The following ADGRG7 variants were observed in gnomAD, a reference collection of about 807,000 sequenced individuals.
The protein encoded by ADGRG7 is adhesion G protein-coupled receptor G7.
Under a neutral mutation model 88.6 loss-of-function variants are expected in ADGRG7, and 82 were observed. The observed-to-expected ratio is 0.93, with a 90% CI of 0.77 to 1.11. The LOEUF is 1.11. ADGRG7 is among the 50% of genes most tolerant of loss of function. The pLI, the probability that ADGRG7 is intolerant of heterozygous loss-of-function variation, is 0.00. For synonymous variants in ADGRG7, 381 were observed against 345.2 expected (o/e 1.10, Z -1.15); for missense variants, 945 against 953.4 (o/e 0.99, Z 0.12).
intron 1 of ADGRG7, among the ~76,000 whole-genome samples, chr3:100,617,460 A>G (rs1707241716): frequency 6.7e-6 from 1 of 148,394 alleles, no homozygotes; most frequent in Non-Finnish European, 1.5e-5. Context: ...ATGAGTGAGA[A>G]CATGCGGTGC....
chr3:100,625,617 GAA>G (rs139174227), intron 1 of ADGRG7, among the ~76,000 whole-genome samples: 39,758 of 151,900 alleles, frequency 0.26, 5,864 homozygotes, highest in Non-Finnish European at 0.34. Context: ...GTTTTCAAAG[GAA>G]ATGCTGCCCA....
chr3:100,613,136 C>A (rs555785553), intron 1 of ADGRG7, among the ~76,000 whole-genome samples: 1 of 152,124 alleles, frequency 6.6e-6, no homozygotes, highest in Admixed American at 6.5e-5. Flanking sequence ...GTGATCTGCC[C>A]GCCTCGGCCT....
chr3:100,647,398 T>A (rs1707772939), intron 10 of ADGRG7, among the ~76,000 whole-genome samples: 1 of 152,198 alleles, frequency 6.6e-6, no homozygotes, highest in South Asian at 2.1e-4. Context: ...AGGTTCAATA[T>A]TTACTTAGCT....
intron 15 of ADGRG7, among the ~76,000 whole-genome samples, chr3:100,679,636 A>C (rs954176780): frequency 2.6e-5 from 4 of 152,238 alleles, no homozygotes; most frequent in African/African-American, 9.6e-5. Context: ...TGACTTACCT[A>C]CTATGTACTT....
chr3:100,663,574 C>A (rs1219485438), intron 14 of ADGRG7, among the ~76,000 whole-genome samples: 1 of 151,908 alleles, frequency 6.6e-6, no homozygotes, highest in East Asian at 1.9e-4. Flanking sequence ...ATTAGTGAAG[C>A]CAAGGTTGAG....
At chr3:100,693,223 A>C (rs1483389602) in intron 15 of ADGRG7, among the ~76,000 whole-genome samples, 1 of 152,178 alleles carries the variant, frequency 6.6e-6, no homozygotes, top group Non-Finnish European at 1.5e-5. Context: ...ATCAAATCTT[A>C]GTTTACTTTA....
chr3:100,681,074 T>A (rs963124008), intron 15 of ADGRG7, among the ~76,000 whole-genome samples: 3 of 152,160 alleles, frequency 2.0e-5, no homozygotes, highest in African/African-American at 7.2e-5. Context: ...AAGTTATATA[T>A]TTTTCCTTTG....
In ADGRG7 at chr3:100,646,737, A is replaced by G; in HGVS notation, c.1266+13A>G. Reference sequence around the variant, plus strand: ...TGCTGTATTAATGGTAAGGATATACATAGCAATCTCTTTCCAGATGAGAAT... The same window carrying G: ...TGCTGTATTAATGGTAAGGATATACGTAGCAATCTCTTTCCAGATGAGAAT... On this transcript the variant is annotated intron_variant, in intron 10 of 15. Coordinates refer to ENST00000273352, the MANE Select transcript of ADGRG7 (RefSeq NM_032787.3). 1.2e-6 allele frequency: 2 copies of G among 1,603,452 alleles called. No individual in the cohort carries two copies. The highest frequency in any genetic ancestry group is 8.5e-7 in the Non-Finnish European group (1 of 1,172,744).
intron 4 of ADGRG7, among the ~76,000 whole-genome samples, chr3:100,635,048 C>T (rs1274994916): frequency 4.6e-5 from 7 of 151,888 alleles, no homozygotes; most frequent in South Asian, 2.1e-4. Flanking sequence ...CACGTGCGCG[C>T]GCATGGACAC....
chr3:100,665,192 C>A (rs1205221890), intron 14 of ADGRG7: 2 of 539,750 alleles, frequency 3.7e-6, no homozygotes, highest in Admixed American at 3.9e-5. Context: ...TTCAGGCTTA[C>A]ATCCAACAGG....
intron 15 of ADGRG7, among the ~76,000 whole-genome samples, chr3:100,671,116 G>A (rs2094957879): frequency 6.6e-6 from 1 of 152,174 alleles, no homozygotes; most frequent in South Asian, 2.1e-4. Flanking sequence ...AGATCCTGAG[G>A]AATCGCCACA....
Position 100,633,364 on chromosome 3 carries a change from C to A in ADGRG7, c.434C>A (p.Thr145Asn). 6.3e-7 allele frequency: 1 copy of A among 1,580,810 alleles called. No individual in the cohort carries two copies. Among genetic ancestry groups the A allele is most frequent in the Non-Finnish European group, 8.6e-7 (1 of 1,161,882 alleles). Residue 145 changes from threonine to asparagine, a missense_variant, in exon 4 of 16, where the codon ACC becomes AAC. Physicochemically the swap from Thr to Asn is moderately conservative, Grantham distance 65 (BLOSUM62 0). Coordinates refer to ENST00000273352, the MANE Select transcript of ADGRG7 (RefSeq NM_032787.3). ...TIGNCNENLE[T>N]LEKQVKDVTA... ...GGAAATTGCAATGAAAATCTGGAAACCCTGGAAAAGCAGGTATGCCATATG... is the reference window on the plus strand; with the variant it reads ...GGAAATTGCAATGAAAATCTGGAAAACCTGGAAAAGCAGGTATGCCATATG...
chr3:100,693,625 G>A (rs554970139), intron 15 of ADGRG7, among the ~76,000 whole-genome samples: 14 of 152,238 alleles, frequency 9.2e-5, no homozygotes, highest in African/African-American at 3.1e-4. Context: ...CCCTATAGAT[G>A]CTAATGTGGG....
intron 15 of ADGRG7, among the ~76,000 whole-genome samples, chr3:100,688,863 G>A (rs1317811577): frequency 3.9e-5 from 6 of 152,164 alleles, no homozygotes; most frequent in African/African-American, 1.2e-4. Flanking sequence ...GTTGATTTGG[G>A]GTGGAGAGTT....
chr3:100,627,301 C>T (rs936094743), intron 1 of ADGRG7, among the ~76,000 whole-genome samples: 4 of 152,122 alleles, frequency 2.6e-5, no homozygotes, highest in Non-Finnish European at 4.4e-5. Context: ...TTGTCTCCTG[C>T]ATTTATTGAG....
At chr3:100,675,437 A>G (rs2149037654) in intron 15 of ADGRG7, among the ~76,000 whole-genome samples, 1 of 152,310 alleles carries the variant, frequency 6.6e-6, no homozygotes, top group Admixed American at 6.5e-5. Flanking sequence ...CATTTCTGGG[A>G]TAAATTCTAC....
At chr3:100,681,102 G>A (rs1193097027) in intron 15 of ADGRG7, among the ~76,000 whole-genome samples, 3 of 151,822 alleles carry the variant, frequency 2.0e-5, no homozygotes, top group Non-Finnish European at 2.9e-5. Flanking sequence ...TTCTACAAAG[G>A]TAAAAATTTG....
At chr3:100,649,493 C>T (rs2094925547) in intron 10 of ADGRG7, among the ~76,000 whole-genome samples, 1 of 152,096 alleles carries the variant, frequency 6.6e-6, no homozygotes. Context: ...GATAATTATT[C>T]TCAAGCCTGT....
chr3:100,637,637 C>A lies in ADGRG7; in HGVS notation c.698+235C>A, dbSNP rs1047220508. The A allele has an allele frequency of 8.7e-6, 4 of 459,706 alleles. No homozygotes were observed. In the Admixed American group the frequency reaches 1.5e-4, roughly 17 times the overall value. The allele number at this position is 459,706 out of a possible 1,614,324, so 28.5% of individuals were successfully genotyped here. A position where few individuals can be genotyped will look rare whatever the true frequency, so the allele number is the denominator to read the frequency against. On this transcript the variant is annotated intron_variant, in intron 6 of 15. Coordinates refer to ENST00000273352, the MANE Select transcript of ADGRG7 (RefSeq NM_032787.3). ...CCATGGCCTGGGAGATAGGGAGTAA[C>A]TGGGCTGATTTAGATTAGAACTTGT...
Sources: gnomAD v4.1 joint callset for allele counts (sites outside exome capture counted in the v4.1 genomes callset) on GRCh38, gnomAD v4.1.1 for gene constraint, MANE v1.5 for transcripts, NCBI Gene and HGNC (gene_info 2026-07-23, HGNC 2026-07-21) for gene names.